The following PKHD1L1 variants were observed in gnomAD, a reference collection of about 807,000 sequenced individuals.
PKHD1L1 encodes PKHD1 like 1, also known as fibrocystin-L.
In PKHD1L1, 434 loss-of-function variants were observed where a neutral mutation model predicts 462.9. The observed-to-expected ratio is 0.94, with a 90% CI of 0.87 to 1.02. The LOEUF (loss-of-function observed/expected upper bound fraction) is 1.02, where lower values mean the gene tolerates loss of function less well. Ranked by LOEUF, PKHD1L1 falls within the 50% of genes least tolerant of loss-of-function variation. The pLI is 0.00. For missense variants in PKHD1L1, 5,202 were observed against 5,096.1 expected, an observed-to-expected ratio of 1.02 and a Z score of -0.63; for synonymous variants, 1,781 against 1,750.0, an observed-to-expected ratio of 1.02 and a Z score of -0.44.
Position 109,491,749 on chromosome 8 carries a change from T to C in PKHD1L1, c.10115-124T>C, listed in dbSNP as rs1818836810. On this transcript the variant is annotated intron_variant, in intron 61 of 77. Coordinates refer to ENST00000378402, the MANE Select transcript of PKHD1L1 (RefSeq NM_177531.6). Reference sequence around the variant, plus strand: ...CTCCTTCGAAACTCTAAGAGGATTGTTTGTCAGGCTCAAAGTAGAAAAATA... The same window carrying C: ...CTCCTTCGAAACTCTAAGAGGATTGCTTGTCAGGCTCAAAGTAGAAAAATA... 17 of 931,386 alleles carry C rather than the reference T, an allele frequency of 1.8e-5. No individual in the cohort carries two copies. In the South Asian group the frequency reaches 4.1e-4, roughly 22 times the overall value. The allele number at this position is 931,386 out of a possible 1,614,324, so 57.7% of individuals were successfully genotyped here.
intron 59 of PKHD1L1, among the ~76,000 whole-genome samples, chr8:109,489,586 C>T (rs1334904030): frequency 6.6e-6 from 1 of 151,874 alleles, no homozygotes; most frequent in Admixed American, 6.6e-5. Context: ...TTATGCCATA[C>T]ATTCTCAATT....
At chr8:109,516,976 G>A (rs1206509631) in intron 72 of PKHD1L1, among the ~76,000 whole-genome samples, 3 of 151,978 alleles carry the variant, frequency 2.0e-5, no homozygotes, top group Non-Finnish European at 4.4e-5. Context: ...TTTAAAAGGA[G>A]GAGGGCATTT....
chr8:109,395,957 T>A (rs903542877), intron 10 of PKHD1L1, 70 bp from the exon 11 acceptor site: 8 of 1,117,926 alleles, frequency 7.2e-6, no homozygotes, highest in Non-Finnish European at 1.1e-5. Flanking sequence ...ATTTGGAATT[T>A]TTAAAAAATC....
At position 109,406,362 on chromosome 8, in the gene PKHD1L1, T is replaced by C; in HGVS notation, c.1697T>C (p.Phe566Ser). The stretch of plus-strand genomic sequence containing the variant: ...TTCCTACCTGCTGATGCTTCTGAAT[T>C]CATACTGCAATCAGCCTTGAATGAC... ...TVFLPADASEFILQSALNDLW... is the reference protein window; with the variant it reads ...TVFLPADASESILQSALNDLW... The change falls in exon 17 of 78, where the codon TTC (phenylalanine) becomes TCC (serine). Residue 566 changes from phenylalanine to serine, a missense_variant. Phe to Ser is a radical substitution (Grantham distance 155). Coordinates refer to ENST00000378402, the MANE Select transcript of PKHD1L1 (RefSeq NM_177531.6). 1 of 1,554,758 alleles carries C rather than the reference T, an allele frequency of 6.4e-7. No individual in the cohort carries two copies. Among genetic ancestry groups the C allele is most frequent in the East Asian group, 2.4e-5 (1 of 41,490 alleles).
At chr8:109,430,204 A>G (rs921456518) in intron 27 of PKHD1L1, among the ~76,000 whole-genome samples, 167 bp downstream of exon 27, 9 of 152,182 alleles carry the variant, frequency 5.9e-5, no homozygotes, top group Non-Finnish European at 5.9e-5. Flanking sequence ...AAAACTATGG[A>G]AAGGGCACTA....
chr8:109,526,765 T>C lies in PKHD1L1; in HGVS notation c.12485-19T>C. Reference sequence around the variant, plus strand: ...AAAACATAAAGGAAATCAAACACTATGATGCTTTTTTTTTCCAGGAAAAAA... The same window carrying C: ...AAAACATAAAGGAAATCAAACACTACGATGCTTTTTTTTTCCAGGAAAAAA... On this transcript the variant is annotated intron_variant, in intron 76 of 77. Transcript: ENST00000378402. The C allele has an allele frequency of 6.5e-7, 1 of 1,533,972 alleles. No homozygotes were observed.
In PKHD1L1 at chr8:109,409,772, C is replaced by T. The variant is rs189213217; in HGVS notation, c.1972-93C>T. ...AAAATATGGGAATTATGAAAATGTCCTATTAAAACTAATTAGTAGAATCAG... is the reference window on the plus strand; with the variant it reads ...AAAATATGGGAATTATGAAAATGTCTTATTAAAACTAATTAGTAGAATCAG... On this transcript the variant is annotated intron_variant, in intron 18 of 77. Transcript: ENST00000378402. 10 of 545,022 alleles carry T rather than the reference C, an allele frequency of 1.8e-5. No homozygotes were observed. In the East Asian group the frequency reaches 2.1e-4, roughly 11 times the overall value. 33.8% of individuals were successfully genotyped at this position (545,022 alleles called of 1,614,324 possible). A position where few individuals can be genotyped will look rare whatever the true frequency, so the allele number is the denominator to read the frequency against.
At position 109,441,337 on chromosome 8, in the gene PKHD1L1, A is replaced by G. The variant is rs766909799; in HGVS notation, c.4162A>G (p.Thr1388Ala). ...TGTCATAAAATGTATTCTTCATTCAACTGGGAATATATTCAGGATTACCAA... is the reference window on the plus strand; with the variant it reads ...TGTCATAAAATGTATTCTTCATTCAGCTGGGAATATATTCAGGATTACCAA... ...ENVIKCILHS[T>A]GNIFRITNNG... Residue 1388 changes from threonine (T) to alanine (A), a missense_variant, in exon 34 of 78, where the codon ACT (threonine) becomes GCT (alanine). By Grantham distance (58) the Thr-to-Ala change is moderately conservative. Transcript: ENST00000378402. The G allele has an allele frequency of 1.3e-6, 2 of 1,588,864 alleles. No homozygotes were observed. The highest frequency in any genetic ancestry group is 1.7e-5 in the Admixed American group (1 of 57,910).
intron 57 of PKHD1L1, among the ~76,000 whole-genome samples, chr8:109,484,670 G>T (rs946937021): frequency 2.6e-5 from 4 of 151,742 alleles, no homozygotes; most frequent in African/African-American, 7.3e-5. Context: ...ATAGTTAATT[G>T]TACTAAACAA....
chr8:109,370,755 G>C (rs1345109863), intron 2 of PKHD1L1, among the ~76,000 whole-genome samples: 1 of 152,070 alleles, frequency 6.6e-6, no homozygotes, highest in Non-Finnish European at 1.5e-5. Context: ...GAGAACATGT[G>C]GTGTTTGGTT....
intron 72 of PKHD1L1, among the ~76,000 whole-genome samples, chr8:109,516,149 A>T (rs1245884865): frequency 6.6e-6 from 1 of 152,140 alleles, no homozygotes; most frequent in Non-Finnish European, 1.5e-5. Context: ...TTACTACATC[A>T]TAGTAACTCT....
intron 57 of PKHD1L1, among the ~76,000 whole-genome samples, chr8:109,484,798 C>T (rs1332587882): frequency 4.6e-5 from 7 of 151,754 alleles, no homozygotes; most frequent in Non-Finnish European, 8.8e-5. Context: ...AGGTATATTG[C>T]TGTGGTTTTA....
chr8:109,415,860 A>AG (rs1451807119), intron 21 of PKHD1L1, among the ~76,000 whole-genome samples: 1 of 95,184 alleles, frequency 1.1e-5, no homozygotes, highest in African/African-American at 3.8e-5. Flanking sequence ...AAAAAAAAAA[A>AG]AGGGGTGTGT....
intron 43 of PKHD1L1, 63 bp from the exon 44 acceptor site, chr8:109,454,104 T>A: frequency 1.1e-6 from 1 of 933,604 alleles, no homozygotes; most frequent in Non-Finnish European, 1.6e-6. Flanking sequence ...AATGAATAAT[T>A]TAATAGGTAA....
intron 56 of PKHD1L1, among the ~76,000 whole-genome samples, chr8:109,482,188 A>G (rs900785210): frequency 6.6e-6 from 1 of 151,856 alleles, no homozygotes. Context: ...GGAGACGCAT[A>G]TAAGTATGTG....
Position 109,456,318 on chromosome 8 carries a change from A to C in PKHD1L1, c.6931A>C (p.Arg2311=). The C allele has an allele frequency of 6.2e-7, 1 of 1,612,520 alleles. No homozygotes were observed. Among genetic ancestry groups the C allele is most frequent in the Non-Finnish European group, 8.5e-7 (1 of 1,179,170 alleles). ...RLAHTAKAGE[R]ILILQEAVTW... ...GGCTCATACTGCAAAGGCAGGGGAA[A>C]GAATTTTAATTTTACAAGAAGCAGT... Residue 2311 remains arginine (R), a synonymous_variant, in exon 46 of 78, where the codon AGA becomes CGA. Coordinates refer to ENST00000378402, the MANE Select transcript of PKHD1L1 (RefSeq NM_177531.6).
chr8:109,464,735 A>G lies in PKHD1L1; in HGVS notation c.7903A>G (p.Thr2635Ala), dbSNP rs1471378365. The G allele has an allele frequency of 1.2e-6, 2 of 1,613,864 alleles. No individual in the cohort carries two copies. Among genetic ancestry groups the G allele is most frequent in the Non-Finnish European group, 1.7e-6 (2 of 1,179,816 alleles). ...CTTTGAGGAATATTTCCCCATGCAAACGGGATCTTGTACATCTACAGTGCC... is the reference window on the plus strand; with the variant it reads ...CTTTGAGGAATATTTCCCCATGCAAGCGGGATCTTGTACATCTACAGTGCC... The part of the protein sequence containing the change: ...WIFEEYFPMQ[T>A]GSCTSTVPAP... The change falls in exon 49 of 78, where the codon ACG becomes GCG. Residue 2635 changes from threonine (T) to alanine (A), a missense_variant. Thr to Ala is a moderately conservative substitution (Grantham distance 58). Around this residue, in one of 3 missense-constraint regions of PKHD1L1, gnomAD observed 4,497 missense variants for 4,336.8 expected, o/e 1.04. Transcript: ENST00000378402.
intron 23 of PKHD1L1, among the ~76,000 whole-genome samples, chr8:109,423,679 C>G (rs1814590382): frequency 6.6e-6 from 1 of 152,136 alleles, no homozygotes; most frequent in East Asian, 1.9e-4. Context: ...GGTATTTTGA[C>G]AATAATTACA....
At chr8:109,422,003 C>A (rs563959061) in intron 23 of PKHD1L1, among the ~76,000 whole-genome samples, 1 of 152,232 alleles carries the variant, frequency 6.6e-6, no homozygotes, top group South Asian at 2.1e-4. Context: ...ATAATATGCA[C>A]ATATGTTAAA....
Sources: gnomAD v4.1 joint callset for allele counts (sites outside exome capture counted in the v4.1 genomes callset) on GRCh38, gnomAD v4.1.1 for gene constraint, gnomAD v4.1.1 regional missense constraint, MANE v1.5 for transcripts, NCBI Gene and HGNC (gene_info 2026-07-23, HGNC 2026-07-21) for gene names.